The following CDH13 variants were observed in gnomAD, a reference collection of about 807,000 sequenced individuals.
The protein encoded by CDH13 is cadherin-13.
In CDH13, 24 loss-of-function variants were observed where a neutral mutation model predicts 63.8. The observed-to-expected ratio is 0.38, with a 90% CI of 0.27 to 0.53. CDH13 has a LOEUF of 0.53. Ranked by LOEUF, CDH13 falls within the 20% of genes least tolerant of loss-of-function variation. The pLI is 0.85. For missense variants in CDH13, 1,049 were observed against 903.1 expected, an observed-to-expected ratio of 1.16 and a Z score of -2.07; for synonymous variants, 503 against 355.3, an observed-to-expected ratio of 1.42 and a Z score of -4.67.
intron 8 of CDH13, among the ~76,000 whole-genome samples, chr16:83,667,804 C>T (rs1053684385): frequency 2.6e-5 from 4 of 151,868 alleles, no homozygotes; most frequent in Admixed American, 6.6e-5. Flanking sequence ...ACGACAGGCA[C>T]GTGCCACCAC....
At chr16:83,616,019 G>A (rs1454454642) in intron 8 of CDH13, among the ~76,000 whole-genome samples, 3 of 152,116 alleles carry the variant, frequency 2.0e-5, no homozygotes, top group South Asian at 2.1e-4. Context: ...CAGGTATGCC[G>A]CTGAATGTTT....
intron 11 of CDH13, among the ~76,000 whole-genome samples, chr16:83,779,405 TCAAA>T (rs1169344986): frequency 0.029 from 1,989 of 67,466 alleles, 238 homozygotes; most frequent in East Asian, 0.11. Flanking sequence ...AGACTCCATC[TCAAA>T]AAAAAAAAAA....
At chr16:82,911,809 C>T (rs938828894) in intron 2 of CDH13, among the ~76,000 whole-genome samples, 10 of 152,096 alleles carry the variant, frequency 6.6e-5, no homozygotes, top group African/African-American at 2.4e-4. Context: ...GGAATCCTGG[C>T]TTTTACCACC....
chr16:83,516,354 A>T (rs997967754), intron 7 of CDH13, among the ~76,000 whole-genome samples: 3 of 152,208 alleles, frequency 2.0e-5, no homozygotes, highest in Admixed American at 1.3e-4. Flanking sequence ...CTTTCATGTC[A>T]TCTCTCTTTA....
chr16:83,061,362 C>T (rs1376622131), intron 3 of CDH13, among the ~76,000 whole-genome samples: 3 of 152,184 alleles, frequency 2.0e-5, no homozygotes, highest in Non-Finnish European at 4.4e-5. Flanking sequence ...GTGTCCCTTA[C>T]ACCATGTGAA....
intron 10 of CDH13, among the ~76,000 whole-genome samples, chr16:83,679,551 G>A (rs1484041374): frequency 1.3e-5 from 2 of 152,214 alleles, no homozygotes; most frequent in African/African-American, 4.8e-5. Flanking sequence ...TAAGCTTTCT[G>A]AATGCCAGAT....
chr16:83,623,776 C>T (rs1168042463), intron 8 of CDH13, among the ~76,000 whole-genome samples: 1 of 152,158 alleles, frequency 6.6e-6, no homozygotes, highest in African/African-American at 2.4e-5. Context: ...CTGAATTGTC[C>T]ACTTGTACCA....
At chr16:83,198,958 T>C (rs2038951526) in intron 4 of CDH13, among the ~76,000 whole-genome samples, 1 of 152,230 alleles carries the variant, frequency 6.6e-6, no homozygotes, top group South Asian at 2.1e-4. Context: ...TTTTTTGCTT[T>C]TATCTTTTCT....
intron 8 of CDH13, among the ~76,000 whole-genome samples, chr16:83,617,839 A>C (rs191859775): frequency 1.5e-4 from 23 of 152,156 alleles, no homozygotes; most frequent in Middle Eastern, 3.4e-3. Context: ...ATTCTATTCT[A>C]ATATGCACAT....
intron 7 of CDH13, among the ~76,000 whole-genome samples, chr16:83,517,552 A>G (rs1468801524): frequency 1.5e-5 from 2 of 133,164 alleles, no homozygotes; most frequent in South Asian, 2.4e-4. Flanking sequence ...TGCTTCAACC[A>G]TCCCTTTGGC....
intron 6 of CDH13, among the ~76,000 whole-genome samples, chr16:83,426,907 CTTT>C (rs71148833): frequency 4.6e-3 from 291 of 63,068 alleles, no homozygotes; most frequent in Middle Eastern, 0.019. Flanking sequence ...ATGTTTCTTT[CTTT>C]TTTTTTTTTT....
intron 7 of CDH13, among the ~76,000 whole-genome samples, chr16:83,517,169 G>T (rs764285900): frequency 6.6e-5 from 10 of 152,322 alleles, no homozygotes; most frequent in South Asian, 2.1e-4. Flanking sequence ...GTGACTGTAA[G>T]AGGTTCCAGA....
chr16:83,308,341 A>C (rs724952), intron 5 of CDH13, among the ~76,000 whole-genome samples: 6,645 of 152,292 alleles, frequency 0.044, 209 homozygotes, highest in East Asian at 0.18. Context: ...TTGCTAGTTG[A>C]TCGAGAAAAT....
intron 1 of CDH13, among the ~76,000 whole-genome samples, chr16:82,805,512 T>G (rs901519769): frequency 6.6e-6 from 1 of 151,876 alleles, no homozygotes; most frequent in Non-Finnish European, 1.5e-5. Context: ...CCAAAATGAG[T>G]TCGGGGGCCT....
At chr16:83,014,729 T>TTA (rs1914517356) in intron 2 of CDH13, among the ~76,000 whole-genome samples, 1 of 22,302 alleles carries the variant, frequency 4.5e-5, no homozygotes, top group Non-Finnish European at 8.5e-5. Flanking sequence ...AGACTCCATC[T>TTA]AAAAAAAAAA....
At chr16:82,688,735 A>G (rs543954689) in intron 1 of CDH13, among the ~76,000 whole-genome samples, 5 of 152,312 alleles carry the variant, frequency 3.3e-5, no homozygotes, top group South Asian at 4.1e-4. Context: ...TATATTTTCA[A>G]TATTAAGGAA....
intron 1 of CDH13, among the ~76,000 whole-genome samples, chr16:82,843,843 A>G (rs973846215): frequency 2.6e-5 from 4 of 152,228 alleles, no homozygotes; most frequent in African/African-American, 9.6e-5. Context: ...CTAATTGTTC[A>G]ATTGACACAA....
intron 2 of CDH13, among the ~76,000 whole-genome samples, chr16:82,915,892 T>A (rs1216453003): frequency 6.6e-6 from 1 of 150,652 alleles, no homozygotes; most frequent in Non-Finnish European, 1.5e-5. Flanking sequence ...GCCTCTGGAA[T>A]CCTGGCTAAC....
At chr16:82,905,089 C>T (rs891042015) in intron 2 of CDH13, among the ~76,000 whole-genome samples, 1 of 152,170 alleles carries the variant, frequency 6.6e-6, no homozygotes, top group Non-Finnish European at 1.5e-5. Flanking sequence ...GTCAATGATT[C>T]TTCAAGGGAA....
Sources: allele counts gnomAD v4.1 joint callset (sites outside exome capture counted in the v4.1 genomes callset), GRCh38; gene constraint gnomAD v4.1.1; transcripts MANE v1.5; gene names NCBI Gene and HGNC (gene_info 2026-07-23, HGNC 2026-07-21).